KDM1A: variants seen among roughly 807,000 people sequenced by gnomAD.
KDM1A encodes lysine demethylase 1A.
Under a neutral mutation model 109.4 loss-of-function variants are expected in KDM1A, and 49 were observed. The observed-to-expected ratio is 0.45, with a 90% CI of 0.36 to 0.57. The LOEUF is 0.57. KDM1A is among the 20% of genes least tolerant of loss of function. The probability of loss-of-function intolerance (pLI) is 0.00; values close to 1 mark genes in which losing one functional copy is unlikely to be tolerated. For synonymous variants in KDM1A, 380 were observed against 415.4 expected (o/e 0.91, Z 1.04); for missense variants, 668 against 1,116.6 (o/e 0.60, Z 5.73).
Position 23,079,338 on chromosome 1 carries a change from A to G in KDM1A, c.2055+161A>G, listed in dbSNP as rs1238115686. Among the ~76,000 whole-genome samples the G allele has an allele frequency of 6.6e-6, 1 of 152,222 alleles. No homozygotes were observed. The highest frequency in any genetic ancestry group is 2.4e-5 in the African/African-American group (1 of 41,448). On this transcript the variant is annotated intron_variant, in intron 17 of 20. Transcript: ENST00000400181. The surrounding 1 kb of genome is among the most constrained non-coding windows in gnomAD (Gnocchi z 5.6). Reference sequence around the variant, plus strand: ...TGTCAGTTGATTCTCTTCAGTGCCTAAGTCTATCATCAAGTGTCTGTTCAT... The same window carrying G: ...TGTCAGTTGATTCTCTTCAGTGCCTGAGTCTATCATCAAGTGTCTGTTCAT...
intron 7 of KDM1A, among the ~76,000 whole-genome samples, chr1:23,056,757 C>A (rs1642840405): frequency 6.7e-6 from 1 of 149,928 alleles, no homozygotes; most frequent in Admixed American, 6.7e-5. Flanking sequence ...ATTTTGATTC[C>A]TACCCATGAG....
At chr1:23,049,756 T>G (rs1452016570) in intron 3 of KDM1A, among the ~76,000 whole-genome samples, 1 of 152,076 alleles carries the variant, frequency 6.6e-6, no homozygotes, top group African/African-American at 2.4e-5. Flanking sequence ...TATGTATATG[T>G]GTTATAGATT....
At chr1:23,021,904 A>C (rs921362873) in intron 1 of KDM1A, among the ~76,000 whole-genome samples, 6 of 152,144 alleles carry the variant, frequency 3.9e-5, no homozygotes, top group South Asian at 2.1e-4. Context: ...GGATTTGTCT[A>C]TTCTGAACAT....
rs1553127465 is a variant in KDM1A, at chr1:23,042,440, A to ATTATTATTT, written c.518-1985_518-1984insATTATTTTT. Among the ~76,000 whole-genome samples, 125 of 21,580 alleles carry ATTATTATTT rather than the reference A, an allele frequency of 5.8e-3. 5 individuals are homozygous for ATTATTATTT. Among genetic ancestry groups the ATTATTATTT allele is most frequent in the African/African-American group, 0.01 (63 of 6,158 alleles). 14.2% of individuals were successfully genotyped at this position (21,580 alleles called of 152,430 possible). ...TTTTTAAAAATCTATGAAATATATT[A>ATTATTATTT]TTTTTTTTTTTTTTTTTTTTTTTTT... On this transcript the variant is annotated intron_variant, in intron 2 of 20. Transcript: ENST00000400181.
At chr1:23,033,953 A>G (rs1642067969) in intron 2 of KDM1A, among the ~76,000 whole-genome samples, 1 of 152,256 alleles carries the variant, frequency 6.6e-6, no homozygotes, top group Admixed American at 6.5e-5. Flanking sequence ...GCTATTGGTC[A>G]ATGGAAAAAT....
At chr1:23,069,367 AGATCTTTCCTCTTT>A (rs1174990537) in intron 12 of KDM1A, among the ~76,000 whole-genome samples, 1 of 152,184 alleles carries the variant, frequency 6.6e-6, no homozygotes, top group African/African-American at 2.4e-5. Context: ...CAGAGGAAAT[AGATCTTTCCTCTTT>A]GTCTGGTTCC....
intron 9 of KDM1A, among the ~76,000 whole-genome samples, chr1:23,064,261 C>T (rs1421546485): frequency 6.6e-6 from 1 of 152,188 alleles, no homozygotes; most frequent in East Asian, 1.9e-4. Flanking sequence ...TATCTCATTT[C>T]CCTTGGCTGT....
At chr1:23,081,777 G>A in intron 19 of KDM1A, 1 of 555,080 alleles carries the variant, frequency 1.8e-6, no homozygotes, top group Non-Finnish European at 3.1e-6. Context: ...TCTGAAGGCT[G>A]CTAGCTGCAT....
chr1:23,064,737 G>T (rs1569777030), intron 9 of KDM1A, among the ~76,000 whole-genome samples: 1 of 152,192 alleles, frequency 6.6e-6, no homozygotes, highest in Non-Finnish European at 1.5e-5. Flanking sequence ...AGACACACAG[G>T]CTTCCCTTCC....
At chr1:23,048,166 A>G (rs989265376) in intron 3 of KDM1A, among the ~76,000 whole-genome samples, 2 of 152,158 alleles carry the variant, frequency 1.3e-5, no homozygotes, top group African/African-American at 4.8e-5. Flanking sequence ...TGACCTATTT[A>G]GAGATACTTG....
At chr1:23,039,925 T>TA (rs1446561324) in intron 2 of KDM1A, among the ~76,000 whole-genome samples, 1 of 152,262 alleles carries the variant, frequency 6.6e-6, no homozygotes, top group African/African-American at 2.4e-5. Context: ...TTGGGGCAGA[T>TA]ACGGTAAACA....
At chr1:23,041,757 T>C (rs542108200) in intron 2 of KDM1A, among the ~76,000 whole-genome samples, 1 of 151,758 alleles carries the variant, frequency 6.6e-6, no homozygotes, top group East Asian at 1.9e-4. Flanking sequence ...TTCATTTCTT[T>C]TTTGACATTT....
At chr1:23,054,849 C>T (rs1344589073) in intron 5 of KDM1A, among the ~76,000 whole-genome samples, 3 of 152,028 alleles carry the variant, frequency 2.0e-5, no homozygotes, top group Non-Finnish European at 4.4e-5. Flanking sequence ...TGGTCTTGAA[C>T]TCCTGGCCTC....
chr1:23,050,296 C>T, intron 3 of KDM1A, 91 bp from the exon 4 acceptor site: 5 of 1,374,794 alleles, frequency 3.6e-6, no homozygotes, highest in Non-Finnish European at 4.8e-6. Flanking sequence ...AAAGGTCAGT[C>T]TGTGAGTGAG....
chr1:23,026,635 A>G (rs1641812996), intron 1 of KDM1A, among the ~76,000 whole-genome samples: 2 of 150,662 alleles, frequency 1.3e-5, no homozygotes, highest in Admixed American at 6.6e-5. Context: ...GCTCACCTCA[A>G]CCTCCCAAAG....
intron 20 of KDM1A, 38 bp downstream of exon 20, chr1:23,082,404 G>A: frequency 6.3e-7 from 1 of 1,575,534 alleles, no homozygotes; most frequent in Non-Finnish European, 8.6e-7. Context: ...TATTTGGGAA[G>A]AGGCCAGGAT....
At chr1:23,070,310 A>T (rs1643280215) in intron 12 of KDM1A, among the ~76,000 whole-genome samples, 1 of 152,090 alleles carries the variant, frequency 6.6e-6, no homozygotes, top group African/African-American at 2.4e-5. Flanking sequence ...TTCTCTACTA[A>T]AATACAAAAA....
chr1:23,030,159 G>T (rs938237558), intron 1 of KDM1A, among the ~76,000 whole-genome samples: 2 of 152,192 alleles, frequency 1.3e-5, no homozygotes, highest in Non-Finnish European at 2.9e-5. Flanking sequence ...GGAAATTCCA[G>T]TATGTGAGCA....
chr1:23,050,012 G>A (rs1028407486), intron 3 of KDM1A, among the ~76,000 whole-genome samples: 2 of 152,032 alleles, frequency 1.3e-5, no homozygotes, highest in African/African-American at 2.4e-5. Context: ...TGTGTTTTTC[G>A]CTCCACAGCT....
Sources: gnomAD v4.1 joint callset for allele counts (sites outside exome capture counted in the v4.1 genomes callset) on GRCh38, gnomAD v4.1.1 for gene constraint, Gnocchi (gnomAD v3.1) non-coding constraint, MANE v1.5 for transcripts, NCBI Gene and HGNC (gene_info 2026-07-23, HGNC 2026-07-21) for gene names.